Variants in ADGRD1 observed in about 807,000 individuals in gnomAD.
ADGRD1 encodes the protein G-protein coupled receptor 133.
A neutral mutation model predicts 113.4 loss-of-function variants in ADGRD1; 77 were observed. The observed-to-expected ratio is 0.68, with a 90% CI of 0.57 to 0.82. The LOEUF is 0.82. ADGRD1 is among the 40% of genes least tolerant of loss of function. ADGRD1 has a pLI of 0.00. For synonymous variants in ADGRD1, 474 were observed against 475.0 expected (o/e 1.00, Z 0.03); for missense variants, 1,036 against 1,139.1 (o/e 0.91, Z 1.30).
chr12:130,987,076 G>T lies in ADGRD1; in HGVS notation c.491-19G>T, dbSNP rs200668885. The stretch of plus-strand genomic sequence containing the variant: ...TCATTCCCACAGTACTCAGAATGGC[G>T]ATCTTCACTCTTTTCCAGGCCCCTA... On this transcript the variant is annotated intron_variant, in intron 5 of 24. Transcript: ENST00000261654. 2.5e-6 allele frequency: 4 copies of T among 1,611,854 alleles called. No individual in the cohort carries two copies. The African/African-American group carries it at 4.0e-5, about 16-fold the overall frequency.
intron 15 of ADGRD1, among the ~76,000 whole-genome samples, chr12:131,097,982 T>A (rs1887415451): frequency 6.6e-6 from 1 of 152,198 alleles, no homozygotes; most frequent in Admixed American, 6.5e-5. Flanking sequence ...GGGCTCCTGC[T>A]GGCATGGGCG....
At chr12:131,065,486 CCT>C (rs1198633972) in intron 13 of ADGRD1, among the ~76,000 whole-genome samples, 4 of 152,210 alleles carry the variant, frequency 2.6e-5, no homozygotes, top group Non-Finnish European at 5.9e-5. Flanking sequence ...CGGAGTCACC[CCT>C]GTCCCGTGGG....
chr12:131,073,342 A>G (rs79837625), intron 13 of ADGRD1, among the ~76,000 whole-genome samples: 7,826 of 152,258 alleles, frequency 0.051, 707 homozygotes, highest in African/African-American at 0.18. Context: ...AAGGTGGGAC[A>G]TTTCAAGCAT....
chr12:131,111,400 G>C (rs35973940), intron 18 of ADGRD1, among the ~76,000 whole-genome samples: 24,204 of 152,072 alleles, frequency 0.16, 2,107 homozygotes, highest in Middle Eastern at 0.28. Context: ...CCCACTTTTT[G>C]GTGTTTATTG....
At chr12:131,077,563 C>T (rs1253816432) in intron 14 of ADGRD1, among the ~76,000 whole-genome samples, 1 of 152,088 alleles carries the variant, frequency 6.6e-6, no homozygotes, top group Non-Finnish European at 1.5e-5. Context: ...ATGGCTCCCA[C>T]AGTCACAGCG....
At chr12:131,049,785 C>T (rs561989943) in intron 13 of ADGRD1, among the ~76,000 whole-genome samples, 3 of 152,052 alleles carry the variant, frequency 2.0e-5, no homozygotes, top group East Asian at 1.9e-4. Flanking sequence ...TTTCCTGGAG[C>T]GGGGGAGAGC....
chr12:131,051,596 C>T (rs764652403), intron 13 of ADGRD1, among the ~76,000 whole-genome samples: 5 of 151,658 alleles, frequency 3.3e-5, no homozygotes, highest in Non-Finnish European at 5.9e-5. Context: ...CTATTCTCGT[C>T]CTTCAGCCTC....
intron 8 of ADGRD1, among the ~76,000 whole-genome samples, chr12:130,996,814 GC>G (rs1875480217): frequency 8.9e-6 from 1 of 112,878 alleles, no homozygotes. Context: ...CCCGGACGGG[GC>G]GGCTGGCCGG....
At chr12:131,088,651 C>T (rs1007873840) in intron 15 of ADGRD1, among the ~76,000 whole-genome samples, 10 of 152,056 alleles carry the variant, frequency 6.6e-5, no homozygotes, top group African/African-American at 2.2e-4. Context: ...GGGCTCCAGG[C>T]CCAGGGGTCG....
chr12:131,020,806 CG>C (rs1879233325), intron 13 of ADGRD1, among the ~76,000 whole-genome samples: 1 of 152,204 alleles, frequency 6.6e-6, no homozygotes. Context: ...GGGCCAGGCC[CG>C]GGATGGCCAG....
chr12:130,987,159 C>T lies in ADGRD1; in HGVS notation c.555C>T (p.Asn185=), dbSNP rs530604865. The change falls in exon 6 of 25, where the codon AAC becomes AAT. Residue 185 remains asparagine (N), a synonymous_variant. Coordinates refer to ENST00000261654, the MANE Select transcript of ADGRD1 (RefSeq NM_198827.5). ...AGGAGGGCCTGAAAGTCTACGTCAA[C>T]GGGACCCTGAGCACCTCTGATCCGA... ...KSKEGLKVYV[N]GTLSTSDPSG... 6.7e-5 allele frequency: 108 copies of T among 1,613,802 alleles called. No homozygotes were observed. Among genetic ancestry groups the T allele is most frequent in the Non-Finnish European group, 8.4e-5 (99 of 1,179,770 alleles).
intron 2 of ADGRD1, among the ~76,000 whole-genome samples, chr12:130,961,960 T>A (rs946716974): frequency 2.0e-5 from 3 of 152,160 alleles, no homozygotes; most frequent in African/African-American, 7.2e-5. Flanking sequence ...GGGCACAGTT[T>A]TCCACGTCGC....
At chr12:131,018,244 G>A (rs2136846334) in intron 13 of ADGRD1, among the ~76,000 whole-genome samples, 1 of 152,350 alleles carries the variant, frequency 6.6e-6, no homozygotes, top group East Asian at 1.9e-4. Context: ...CAGGGTGGCA[G>A]TAAACTGAAT....
intron 19 of ADGRD1, 82 bp downstream of exon 19, chr12:131,118,533 T>TGCACCCAGAA: frequency 1.0e-6 from 1 of 1,003,420 alleles, no homozygotes; most frequent in Non-Finnish European, 1.5e-6. Context: ...CTTGCCTTCC[T>TGCACCCAGAA]GTGCTCTTCT....
At chr12:130,994,620 G>T (rs1353036777) in intron 8 of ADGRD1, among the ~76,000 whole-genome samples, 1 of 152,256 alleles carries the variant, frequency 6.6e-6, no homozygotes, top group Admixed American at 6.5e-5. Flanking sequence ...GGGAGTCCGA[G>T]TGAGGATAAA....
intron 15 of ADGRD1, among the ~76,000 whole-genome samples, chr12:131,086,148 C>G (rs1486662263): frequency 6.6e-6 from 1 of 152,190 alleles, no homozygotes; most frequent in African/African-American, 2.4e-5. Context: ...CAGAATCTAC[C>G]TGAATCCACC....
At chr12:130,990,883 T>G in intron 6 of ADGRD1, 131 bp from the exon 7 acceptor site, 1 of 645,580 alleles carries the variant, frequency 1.5e-6, no homozygotes, top group East Asian at 2.9e-5. Context: ...TCCAGCAACA[T>G]TCCTACTCAA....
intron 15 of ADGRD1, among the ~76,000 whole-genome samples, chr12:131,099,468 T>C (rs2137295592): frequency 2.0e-5 from 3 of 152,348 alleles, no homozygotes; most frequent in Middle Eastern, 6.8e-3. Flanking sequence ...ACTATCAGGA[T>C]CACCTAGATT....
chr12:131,002,822 C>A (rs71468466), intron 9 of ADGRD1: 11 of 1,236,074 alleles, frequency 8.9e-6, no homozygotes, highest in South Asian at 2.9e-5. Context: ...AGCCCCTCCT[C>A]GTGAAGCACA....
Sources: gnomAD v4.1 joint callset for allele counts (sites outside exome capture counted in the v4.1 genomes callset) on GRCh38, gnomAD v4.1.1 for gene constraint, MANE v1.5 for transcripts, NCBI Gene and HGNC (gene_info 2026-07-23, HGNC 2026-07-21) for gene names.